The following GRXCR1 variants were observed in gnomAD, a reference collection of about 807,000 sequenced individuals.
The protein encoded by GRXCR1 is glutaredoxin and cysteine rich domain containing 1.
In GRXCR1, 27 loss-of-function variants were observed where a neutral mutation model predicts 27.3. That is an observed-to-expected ratio of 0.99 (90% confidence interval 0.73 to 1.37). The LOEUF is 1.37. Ranked by LOEUF, GRXCR1 falls within the 40% of genes most tolerant of loss-of-function variation. The probability of loss-of-function intolerance (pLI) is 0.00; values close to 1 mark genes in which losing one functional copy is unlikely to be tolerated. For missense variants in GRXCR1, 379 were observed against 354.4 expected (o/e 1.07, Z -0.56); for synonymous variants, 122 against 131.1 (o/e 0.93, Z 0.47).
chr4:42,911,955 T>C (rs982529461), intron 1 of GRXCR1, among the ~76,000 whole-genome samples: 5 of 152,098 alleles, frequency 3.3e-5, no homozygotes, highest in Admixed American at 6.6e-5. Flanking sequence ...AGGGTTTATG[T>C]GGGAAAATGA....
chr4:43,004,605 G>C (rs1400321755), intron 2 of GRXCR1, among the ~76,000 whole-genome samples: 1 of 152,194 alleles, frequency 6.6e-6, no homozygotes, highest in Non-Finnish European at 1.5e-5. Context: ...CTTTGCATCA[G>C]TGTGCCCTGG....
At chr4:42,930,872 A>G (rs1747289752) in intron 1 of GRXCR1, among the ~76,000 whole-genome samples, 1 of 151,976 alleles carries the variant, frequency 6.6e-6, no homozygotes, top group South Asian at 2.1e-4. Context: ...TTGCTGTGAC[A>G]ATAATTAGAA....
At chr4:42,914,550 C>T (rs901944222) in intron 1 of GRXCR1, among the ~76,000 whole-genome samples, 2 of 152,170 alleles carry the variant, frequency 1.3e-5, no homozygotes, top group African/African-American at 4.8e-5. Context: ...TTTACAGGCT[C>T]ATAGGTGAAA....
intron 1 of GRXCR1, among the ~76,000 whole-genome samples, chr4:42,907,087 G>A (rs780653934): frequency 7.2e-5 from 11 of 152,168 alleles, no homozygotes; most frequent in Non-Finnish European, 1.5e-4. Context: ...AGGGAAGAAA[G>A]CGAAACAAGG....
chr4:42,951,921 C>A (rs986368806), intron 1 of GRXCR1, among the ~76,000 whole-genome samples: 1 of 152,092 alleles, frequency 6.6e-6, no homozygotes, highest in Non-Finnish European at 1.5e-5. Context: ...TTGCAGTTAA[C>A]GTCTAGGCTC....
chr4:43,023,543 T>C (rs1021850309), intron 3 of GRXCR1, among the ~76,000 whole-genome samples: 2 of 152,236 alleles, frequency 1.3e-5, no homozygotes, highest in African/African-American at 4.8e-5. Context: ...CAGAAGCTAG[T>C]AACACATGTG....
chr4:42,909,357 C>T (rs897925207), intron 1 of GRXCR1, among the ~76,000 whole-genome samples: 5 of 152,082 alleles, frequency 3.3e-5, no homozygotes, highest in African/African-American at 4.8e-5. Context: ...TAAGGCTCCC[C>T]CATACCCCGA....
At chr4:42,958,485 T>G (rs374333495) in intron 1 of GRXCR1, among the ~76,000 whole-genome samples, 4 of 152,092 alleles carry the variant, frequency 2.6e-5, no homozygotes, top group African/African-American at 4.8e-5. Context: ...CTCCTTGATA[T>G]CACCCCTGGC....
intron 2 of GRXCR1, among the ~76,000 whole-genome samples, chr4:42,990,381 C>T (rs865916724): frequency 1.9e-4 from 28 of 150,344 alleles, no homozygotes; most frequent in African/African-American, 4.9e-4. Flanking sequence ...TTAGTAGAGA[C>T]GGGGTTTCAC....
At chr4:42,907,415 ATGATAGC>A (rs1746620659) in intron 1 of GRXCR1, among the ~76,000 whole-genome samples, 1 of 152,186 alleles carries the variant, frequency 6.6e-6, no homozygotes, top group African/African-American at 2.4e-5. Flanking sequence ...TGGCTTTGAA[ATGATAGC>A]TGATAATCTT....
At chr4:42,958,990 C>T (rs1377637083) in intron 1 of GRXCR1, among the ~76,000 whole-genome samples, 2 of 151,814 alleles carry the variant, frequency 1.3e-5, no homozygotes, top group Non-Finnish European at 2.9e-5. Flanking sequence ...ATTACTGTAG[C>T]CATTATGAAC....
At chr4:42,963,218 G>GT in intron 2 of GRXCR1, 84 bp downstream of exon 2, 1 of 1,480,320 alleles carries the variant, frequency 6.8e-7, no homozygotes, top group Non-Finnish European at 9.4e-7. Flanking sequence ...CATTTGCAGC[G>GT]TAACTACTGG....
intron 2 of GRXCR1, among the ~76,000 whole-genome samples, chr4:42,971,248 T>C (rs755598149): frequency 1.3e-5 from 2 of 152,134 alleles, no homozygotes; most frequent in Non-Finnish European, 2.9e-5. Flanking sequence ...CCCATATCTT[T>C]CTCTCTTCTT....
chr4:42,920,533 G>T lies in GRXCR1; in HGVS notation c.384+26883G>T, dbSNP rs961890351. Among the ~76,000 whole-genome samples, 4 of 152,230 alleles carry T rather than the reference G, an allele frequency of 2.6e-5. No individual in the cohort carries two copies. In the East Asian group the frequency reaches 7.8e-4, roughly 30 times the overall value. On this transcript the variant is annotated intron_variant, in intron 1 of 3. Coordinates refer to ENST00000399770, the MANE Select transcript of GRXCR1 (RefSeq NM_001080476.3). ...GTAAGCATGCCTAGAAGAGCTGGAA[G>T]CTTAGAGAATGTGTTGACGTGGTTT... is the stretch of plus-strand genomic sequence containing the variant.
At chr4:42,925,534 G>T (rs923370892) in intron 1 of GRXCR1, among the ~76,000 whole-genome samples, 1 of 151,852 alleles carries the variant, frequency 6.6e-6, no homozygotes, top group African/African-American at 2.4e-5. Flanking sequence ...CGGCAATTTG[G>T]TTATCATTGC....
intron 1 of GRXCR1, among the ~76,000 whole-genome samples, chr4:42,920,658 G>A: frequency 6.6e-6 from 1 of 152,152 alleles, no homozygotes; most frequent in Non-Finnish European, 1.5e-5. Context: ...CTCTTGCAGG[G>A]TATAAGTTTT....
At chr4:42,914,255 A>G (rs1477787036) in intron 1 of GRXCR1, among the ~76,000 whole-genome samples, 2 of 152,214 alleles carry the variant, frequency 1.3e-5, no homozygotes, top group Non-Finnish European at 2.9e-5. Context: ...ACATCAGCCT[A>G]TGAAAGCAGC....
chr4:42,896,622 T>A (rs1328287286), intron 1 of GRXCR1, among the ~76,000 whole-genome samples: 1 of 152,124 alleles, frequency 6.6e-6, no homozygotes, highest in East Asian at 1.9e-4. Flanking sequence ...ACCTAGAATC[T>A]AGCCATGACT....
At chr4:42,997,962 C>T (rs1712227598) in intron 2 of GRXCR1, among the ~76,000 whole-genome samples, 1 of 152,128 alleles carries the variant, frequency 6.6e-6, no homozygotes, top group African/African-American at 2.4e-5. Context: ...CCTCACCATA[C>T]CTGAATAATA....
Sources: gnomAD v4.1 joint callset for allele counts (sites outside exome capture counted in the v4.1 genomes callset) on GRCh38, gnomAD v4.1.1 for gene constraint, MANE v1.5 for transcripts, NCBI Gene and HGNC (gene_info 2026-07-23, HGNC 2026-07-21) for gene names.